The following KCNT2 variants were observed in gnomAD, a reference collection of about 807,000 sequenced individuals.
KCNT2 encodes the protein potassium sodium-activated channel subfamily T member 2.
In KCNT2, 67 loss-of-function variants were observed where a neutral mutation model predicts 153.8. That is an observed-to-expected ratio of 0.44 (90% confidence interval 0.36 to 0.53). The LOEUF is 0.53. Among genes scored for constraint, KCNT2 ranks in the 20% least tolerant of loss-of-function variants. KCNT2 has a pLI of 0.00. For synonymous variants in KCNT2, 500 were observed against 458.8 expected (o/e 1.09, Z -1.15); for missense variants, 975 against 1,354.8 (o/e 0.72, Z 4.40).
intron 12 of KCNT2, among the ~76,000 whole-genome samples, chr1:196,421,878 C>G (rs897757811): frequency 6.6e-6 from 1 of 151,970 alleles, no homozygotes; most frequent in Non-Finnish European, 1.5e-5. Flanking sequence ...TGTATATTGC[C>G]GTCTTCATGT....
At chr1:196,385,619 T>A (rs1032395793) in intron 13 of KCNT2, among the ~76,000 whole-genome samples, 1 of 151,998 alleles carries the variant, frequency 6.6e-6, no homozygotes, top group Non-Finnish European at 1.5e-5. Flanking sequence ...TACAAGAATG[T>A]ACAACTCTGT....
rs534169715 is a variant in KCNT2, at chr1:196,536,329, T to G, written c.96-43988A>C. Among the ~76,000 whole-genome samples, 34 of 152,300 alleles carry G rather than the reference T, an allele frequency of 2.2e-4. 1 individual carries two copies. In the East Asian group the frequency reaches 6.2e-3, roughly 28 times the overall value. ...AACTTATAGGCAGTTAACCACAAGG[T>G]TAAGCCTCGATAAACTGCCCAGCTA... is the stretch of plus-strand genomic sequence containing the variant. On this transcript the variant is annotated intron_variant, in intron 1 of 27. Coordinates refer to ENST00000294725, the MANE Select transcript of KCNT2 (RefSeq NM_198503.5).
chr1:196,505,006 T>C (rs1181971250), intron 1 of KCNT2, among the ~76,000 whole-genome samples: 1 of 152,214 alleles, frequency 6.6e-6, no homozygotes, highest in Non-Finnish European at 1.5e-5. Flanking sequence ...ATAAGTAGGT[T>C]GTGAAAATTT....
intron 19 of KCNT2, among the ~76,000 whole-genome samples, chr1:196,325,861 A>G (rs1383544431): frequency 1.3e-5 from 2 of 152,166 alleles, no homozygotes; most frequent in African/African-American, 4.8e-5. Context: ...AAACAACACT[A>G]TAAAGTTATA....
intron 21 of KCNT2, among the ~76,000 whole-genome samples, chr1:196,312,786 C>T (rs1048027666): frequency 1.3e-5 from 2 of 151,618 alleles, no homozygotes; most frequent in Admixed American, 6.6e-5. Flanking sequence ...ATACTATTCC[C>T]GCATGCATAA....
intron 21 of KCNT2, among the ~76,000 whole-genome samples, chr1:196,306,206 A>C (rs925007472): frequency 6.6e-6 from 1 of 151,972 alleles, no homozygotes; most frequent in African/African-American, 2.4e-5. Flanking sequence ...TTTTCATATG[A>C]TATGTCTTTA....
At chr1:196,234,562 C>G (rs1053509398) in intron 27 of KCNT2, among the ~76,000 whole-genome samples, 2 of 151,198 alleles carry the variant, frequency 1.3e-5, no homozygotes, top group African/African-American at 4.8e-5. Flanking sequence ...ATATTCACCC[C>G]AACCCTAACC....
intron 14 of KCNT2, among the ~76,000 whole-genome samples, chr1:196,367,498 T>TAAA (rs1315044202): frequency 3.3e-5 from 5 of 152,320 alleles, no homozygotes; most frequent in African/African-American, 1.2e-4. Flanking sequence ...TATGCATATG[T>TAAA]TTGTATGTAA....
At chr1:196,319,079 T>C (rs1360033187) in intron 20 of KCNT2, among the ~76,000 whole-genome samples, 4 of 151,800 alleles carry the variant, frequency 2.6e-5, no homozygotes, top group African/African-American at 9.7e-5. Flanking sequence ...ATTGCTCCAA[T>C]TTATAAATCT....
intron 1 of KCNT2, among the ~76,000 whole-genome samples, chr1:196,544,569 T>TG (rs1280345111): frequency 6.6e-6 from 1 of 152,112 alleles, no homozygotes; most frequent in African/African-American, 2.4e-5. Context: ...TACTCGTAAA[T>TG]GGGATTGCAT....
chr1:196,292,815 A>G (rs1660319793), intron 22 of KCNT2, among the ~76,000 whole-genome samples: 1 of 143,760 alleles, frequency 7.0e-6, no homozygotes, highest in South Asian at 2.1e-4. Flanking sequence ...CTGTCTCAAA[A>G]AAAAAAAAAA....
chr1:196,607,337 G>A (rs1260618549), intron 1 of KCNT2, among the ~76,000 whole-genome samples: 1 of 152,206 alleles, frequency 6.6e-6, no homozygotes, highest in South Asian at 2.1e-4. Context: ...TGATATATGG[G>A]ATGACTATTC....
intron 8 of KCNT2, among the ~76,000 whole-genome samples, chr1:196,448,358 A>C (rs983666031): frequency 5.3e-5 from 8 of 151,656 alleles, no homozygotes; most frequent in African/African-American, 1.9e-4. Flanking sequence ...TTTTATAAAA[A>C]ATATATTGTA....
intron 12 of KCNT2, among the ~76,000 whole-genome samples, chr1:196,402,666 C>G (rs1443507468): frequency 6.6e-6 from 1 of 150,908 alleles, no homozygotes; most frequent in Admixed American, 6.6e-5. Context: ...TATATCTAAC[C>G]ATATTAATAA....
In KCNT2 at chr1:196,449,959, G is replaced by A. The variant is rs568603144; in HGVS notation, c.638+15334C>T. Reference sequence around the variant, plus strand: ...AAAAATGTACTATAAAAGCTCTGACGTTGACTATGGTTTAAAATAGACAAC... The same window carrying A: ...AAAAATGTACTATAAAAGCTCTGACATTGACTATGGTTTAAAATAGACAAC... On this transcript the variant is annotated intron_variant, in intron 8 of 27. Coordinates refer to ENST00000294725, the MANE Select transcript of KCNT2 (RefSeq NM_198503.5). Among the ~76,000 whole-genome samples, 25 of 151,864 alleles carry A rather than the reference G, an allele frequency of 1.6e-4. No homozygotes were observed. In the South Asian group the frequency reaches 3.5e-3, roughly 21 times the overall value.
rs568002065 is a variant in KCNT2 at position 196,288,934 on chromosome 1, T to C, written c.2596-3176A>G. On this transcript the variant is annotated intron_variant, in intron 22 of 27. Transcript: ENST00000294725. Reference sequence around the variant, plus strand: ...GTTTCAGTCAAGTGTTTCCGCTTACTAATTGTATGATCTTTTACAAGTTAC... The same window carrying C: ...GTTTCAGTCAAGTGTTTCCGCTTACCAATTGTATGATCTTTTACAAGTTAC... 3.7e-4 allele frequency among the ~76,000 whole-genome samples: 56 copies of C among 152,250 alleles called. No individual in the cohort carries two copies. In the Middle Eastern group the frequency reaches 0.017, roughly 46 times the overall value.
At position 196,247,682 on chromosome 1, in the gene KCNT2, C is replaced by T. The variant is rs761894409; in HGVS notation, c.3211+10512G>A. ...AACCATCAGATCTTGTGAGAACTCA[C>T]TATTATAAGAACAGCATAGAAGTAA... On this transcript the variant is annotated intron_variant, in intron 26 of 27. Transcript: ENST00000294725. Among the ~76,000 whole-genome samples the T allele has an allele frequency of 4.6e-5, 7 of 152,096 alleles. No individual in the cohort carries two copies. The South Asian group carries it at 1.5e-3, about 32-fold the overall frequency.
At chr1:196,461,193 C>T (rs1263992354) in intron 8 of KCNT2, among the ~76,000 whole-genome samples, 1 of 151,224 alleles carries the variant, frequency 6.6e-6, no homozygotes, top group Non-Finnish European at 1.5e-5. Context: ...AGTTCAAGAA[C>T]TTAAGCATCC....
At chr1:196,269,489 A>G (rs1336422417) in intron 25 of KCNT2, among the ~76,000 whole-genome samples, 2 of 152,126 alleles carry the variant, frequency 1.3e-5, no homozygotes, top group African/African-American at 4.8e-5. Context: ...TTCAAGTTTT[A>G]TATCTCAGTA....
Sources: allele counts gnomAD v4.1 joint callset (sites outside exome capture counted in the v4.1 genomes callset), GRCh38; gene constraint gnomAD v4.1.1; transcripts MANE v1.5; gene names NCBI Gene and HGNC (gene_info 2026-07-23, HGNC 2026-07-21).